Variants in SLC17A6 observed in about 807,000 individuals in gnomAD.
SLC17A6 encodes solute carrier family 17 member 6, also known as vesicular glutamate transporter 2.
In SLC17A6, 35 loss-of-function variants were observed where a neutral mutation model predicts 67.1. That is an observed-to-expected ratio of 0.52 (90% CI 0.40 to 0.69). SLC17A6 has a LOEUF of 0.69. Among genes scored for constraint, SLC17A6 ranks in the 30% least tolerant of loss-of-function variants. The pLI, the probability that SLC17A6 is intolerant of heterozygous loss-of-function variation, is 0.00. For synonymous variants in SLC17A6, 285 were observed against 252.3 expected, an observed-to-expected ratio of 1.13 and a Z score of -1.23; for missense variants, 588 against 723.9, an observed-to-expected ratio of 0.81 and a Z score of 2.15.
intron 7 of SLC17A6, among the ~76,000 whole-genome samples, chr11:22,367,119 G>C (rs1856122128): frequency 1.3e-5 from 2 of 151,492 alleles, no homozygotes; most frequent in African/African-American, 4.8e-5. Flanking sequence ...AGAGCTGAAA[G>C]GTGTCATACA....
At chr11:22,338,950 G>A (rs1305017734) in intron 1 of SLC17A6, among the ~76,000 whole-genome samples, 4 of 150,272 alleles carry the variant, frequency 2.7e-5, no homozygotes, top group African/African-American at 9.8e-5. Context: ...CTCAAACAGC[G>A]TTTCTTTTGG....
At chr11:22,363,238 G>T (rs1178826594) in intron 6 of SLC17A6, among the ~76,000 whole-genome samples, 2 of 144,274 alleles carry the variant, frequency 1.4e-5, no homozygotes, top group Admixed American at 6.9e-5. Flanking sequence ...GAAAGGGGGG[G>T]TGGAAAGCTG....
Position 22,338,572 on chromosome 11 carries a change from A to G in SLC17A6, c.39A>G (p.Lys13=), listed in dbSNP as rs1487480203. ...AACAAAGGATTTTGGCCCCAGGAAA[A>G]GAGGGGCTAAAGAATTTTGCTGGAA... The part of the protein sequence containing the change: ...SVKQRILAPG[K]EGLKNFAGKS... The change falls in exon 1 of 12, where the codon AAA becomes AAG. Residue 13 remains lysine, a synonymous_variant. Transcript: ENST00000263160. 5.6e-6 allele frequency: 9 copies of G among 1,613,824 alleles called. No individual in the cohort carries two copies. The highest frequency in any genetic ancestry group is 7.6e-6 in the Non-Finnish European group (9 of 1,179,828).
intron 7 of SLC17A6, among the ~76,000 whole-genome samples, chr11:22,366,044 C>A (rs919335449): frequency 7.9e-5 from 12 of 152,060 alleles, no homozygotes; most frequent in African/African-American, 2.9e-4. Flanking sequence ...ATGAAAATGG[C>A]AATTTTTGGT....
chr11:22,360,527 C>CT (rs1491569915), intron 4 of SLC17A6, among the ~76,000 whole-genome samples: 2 of 79,116 alleles, frequency 2.5e-5, no homozygotes, highest in Non-Finnish European at 5.7e-5. Flanking sequence ...CGCTCTCCTT[C>CT]CCCCCCCCCC....
intron 1 of SLC17A6, 40 bp from the exon 2 acceptor site, chr11:22,341,488 A>T (rs1233627527): frequency 6.3e-7 from 1 of 1,598,998 alleles, no homozygotes; most frequent in South Asian, 1.1e-5. Flanking sequence ...GGGGTACCTA[A>T]GCCGCCAAGT....
At chr11:22,344,643 A>G (rs1248193220) in intron 3 of SLC17A6, among the ~76,000 whole-genome samples, 1 of 152,184 alleles carries the variant, frequency 6.6e-6, no homozygotes, top group African/African-American at 2.4e-5. Context: ...AGTAGTAGAC[A>G]AACAGTCCCT....
chr11:22,344,141 C>A (rs1041410168), intron 3 of SLC17A6, among the ~76,000 whole-genome samples: 3 of 152,150 alleles, frequency 2.0e-5, no homozygotes, highest in African/African-American at 7.2e-5. Flanking sequence ...CATTGATAAG[C>A]AAAACTAAAT....
rs75020652 is a variant in SLC17A6, at chr11:22,346,152, C to T, written c.458+2787C>T. 4.5e-3 allele frequency among the ~76,000 whole-genome samples: 681 copies of T among 152,162 alleles called. 8 individuals carry two copies. The highest frequency in any genetic ancestry group is 0.016 in the African/African-American group (659 of 41,520). ...TGATATTGGGGACAGATTCCTTTCC[C>T]TCTAGGTGTAAAAGAGTCTCACTTT... On this transcript the variant is annotated intron_variant, in intron 3 of 11. Coordinates refer to ENST00000263160, the MANE Select transcript of SLC17A6 (RefSeq NM_020346.3).
Position 22,377,578 on chromosome 11 carries a change from G to T in SLC17A6, c.1587G>T (p.Gly529=), listed in dbSNP as rs770305192. The T allele has an allele frequency of 2.5e-6, 4 of 1,613,912 alleles. No individual in the cohort carries two copies. In the African/African-American group the frequency reaches 5.3e-5, roughly 22 times the overall value. Residue 529 remains glycine, a synonymous_variant, in exon 12 of 12, where the codon GGG becomes GGT. Coordinates refer to ENST00000263160, the MANE Select transcript of SLC17A6 (RefSeq NM_020346.3). ...AAGATGAACTCGATGAAGAAACAGG[G>T]GACATTACTCAAAATTATATAAATT... ...IHEDELDEET[G]DITQNYINYG...
In SLC17A6 at chr11:22,365,559, T is replaced by C. The variant is rs1856102047; in HGVS notation, c.761T>C (p.Met254Thr). ...SVFYVYGSFG[M>T]VWYMFWLLVS... ...CTGTTGCTTGCAGGAAGCTTTGGAATGGTCTGGTACATGTTTTGGCTTTTG... is the reference window on the plus strand; with the variant it reads ...CTGTTGCTTGCAGGAAGCTTTGGAACGGTCTGGTACATGTTTTGGCTTTTG... The change falls in exon 7 of 12, where the codon ATG becomes ACG. Residue 254 changes from methionine (M) to threonine (T), a missense_variant. This residue lies in a region of SLC17A6 where 414 missense variants were observed against 563.4 expected (regional missense o/e 0.73). Transcript: ENST00000263160. 2 of 1,614,000 alleles carry C rather than the reference T, an allele frequency of 1.2e-6. No individual in the cohort carries two copies. Among genetic ancestry groups the C allele is most frequent in the Middle Eastern group, 1.7e-4 (1 of 6,058 alleles).
intron 1 of SLC17A6, among the ~76,000 whole-genome samples, chr11:22,340,951 G>A (rs1304414292): frequency 2.6e-5 from 4 of 152,172 alleles, no homozygotes. Context: ...GGGGTGGATT[G>A]GGGAGCGGAA....
intron 6 of SLC17A6, among the ~76,000 whole-genome samples, chr11:22,365,223 C>T (rs941420923): frequency 2.6e-5 from 4 of 152,118 alleles, no homozygotes; most frequent in African/African-American, 7.2e-5. Flanking sequence ...TCTCACTTAA[C>T]CAGAGTGCCT....
At chr11:22,353,517 T>G (rs1197189953) in intron 3 of SLC17A6, among the ~76,000 whole-genome samples, 1 of 152,222 alleles carries the variant, frequency 6.6e-6, no homozygotes, top group Non-Finnish European at 1.5e-5. Context: ...GAATTTGGAT[T>G]TTCACAGGGT....
At chr11:22,353,069 G>A (rs1406799292) in intron 3 of SLC17A6, among the ~76,000 whole-genome samples, 3 of 152,136 alleles carry the variant, frequency 2.0e-5, no homozygotes, top group African/African-American at 7.2e-5. Flanking sequence ...TCATTCTGGA[G>A]AAAAAGATGC....
intron 3 of SLC17A6, among the ~76,000 whole-genome samples, chr11:22,351,507 G>A (rs1210574124): frequency 7.2e-5 from 11 of 152,116 alleles, no homozygotes; most frequent in South Asian, 2.1e-4. Flanking sequence ...ATACAGAATC[G>A]TTTTCCCCGA....
chr11:22,346,537 G>T (rs778747675), intron 3 of SLC17A6, among the ~76,000 whole-genome samples: 1 of 152,042 alleles, frequency 6.6e-6, no homozygotes, highest in African/African-American at 2.4e-5. Context: ...CACATTATGG[G>T]CTGGAGAATT....
rs147262612 is a variant in SLC17A6 at position 22,368,389 on chromosome 11, A to G, written c.892-1650A>G. 4.4e-4 allele frequency among the ~76,000 whole-genome samples: 67 copies of G among 152,174 alleles called. 1 individual carries two copies. The East Asian group carries it at 9.8e-3, about 22-fold the overall frequency. On this transcript the variant is annotated intron_variant, in intron 7 of 11. Coordinates refer to ENST00000263160, the MANE Select transcript of SLC17A6 (RefSeq NM_020346.3). Reference sequence around the variant, plus strand: ...AAATATATTTAAATATAGCATATGTACAGAAAAAAACACTAATAGTAAACA... The same window carrying G: ...AAATATATTTAAATATAGCATATGTGCAGAAAAAAACACTAATAGTAAACA...
At chr11:22,342,495 G>A (rs924280423) in intron 2 of SLC17A6, among the ~76,000 whole-genome samples, 1 of 152,112 alleles carries the variant, frequency 6.6e-6, no homozygotes, top group African/African-American at 2.4e-5. Flanking sequence ...GGGGAAAAAG[G>A]GTCCCCAGTT....
Sources: allele counts gnomAD v4.1 joint callset (sites outside exome capture counted in the v4.1 genomes callset), GRCh38; gene constraint gnomAD v4.1.1; regional missense constraint gnomAD v4.1.1; transcripts MANE v1.5; gene names NCBI Gene and HGNC (gene_info 2026-07-23, HGNC 2026-07-21).